The following FAM111B variants were observed in gnomAD, a reference collection of about 807,000 sequenced individuals.
FAM111B encodes the protein FAM111 trypsin like peptidase B.
A neutral mutation model predicts 2.8 loss-of-function variants in FAM111B; 1 was observed. That is an observed-to-expected ratio of 0.36 (90% confidence interval 0.13 to 1.70). The LOEUF (loss-of-function observed/expected upper bound fraction) is 1.70. Among genes scored for constraint, FAM111B ranks in the 40% most tolerant of loss-of-function variants. The pLI is 0.35. For synonymous variants in FAM111B, 297 were observed against 295.6 expected (o/e 1.00, Z -0.05); for missense variants, 882 against 878.9 (o/e 1.00, Z -0.04).
chr11:59,122,706 A>C (rs1264447418), intron 3 of FAM111B, among the ~76,000 whole-genome samples: 1 of 152,190 alleles, frequency 6.6e-6, no homozygotes, highest in Non-Finnish European at 1.5e-5. Context: ...GATGTCAAAG[A>C]GGCAACAAAA....
chr11:59,113,528 T>C (rs1371999100), intron 3 of FAM111B, among the ~76,000 whole-genome samples: 1 of 152,246 alleles, frequency 6.6e-6, no homozygotes, highest in African/African-American at 2.4e-5. Context: ...TCCAGAGAAC[T>C]GTGAGTGGCT....
intron 1 of FAM111B, 30 bp downstream of exon 1, chr11:59,107,326 C>T (rs2135392834): frequency 6.6e-6 from 1 of 152,522 alleles, no homozygotes; most frequent in East Asian, 1.9e-4. Flanking sequence ...CCGGGTCGGA[C>T]CTGGAGTTCT....
Position 59,126,219 on chromosome 11 carries a change from G to A in FAM111B, c.2122G>A (p.Glu708Lys). Residue 708 changes from glutamate to lysine, a missense_variant, in exon 4 of 4, where the codon GAG becomes AAG. Transcript: ENST00000343597. ...NESLYKSLND[E>K]KLETYDEEKG... ...GAGCTTGTATAAATCATTAAATGAT[G>A]AGAAACTTGAGACCTACGATGAAGA... The A allele has an allele frequency of 6.2e-7, 1 of 1,605,018 alleles. No individual in the cohort carries two copies. The highest frequency in any genetic ancestry group is 1.1e-5 in the South Asian group (1 of 88,336).
chr11:59,109,793 A>T, intron 3 of FAM111B, 87 bp downstream of exon 3: 2 of 815,380 alleles, frequency 2.5e-6, no homozygotes, highest in Non-Finnish European at 3.9e-6. Context: ...TTCTTAAACA[A>T]TGGTCGTTAT....
intron 3 of FAM111B, 133 bp downstream of exon 3, chr11:59,109,839 G>A: frequency 2.0e-6 from 1 of 500,184 alleles, no homozygotes; most frequent in Non-Finnish European, 3.4e-6. Flanking sequence ...ATATATTTGG[G>A]GAGCTCATAC....
chr11:59,112,577 A>G (rs1449879225), intron 3 of FAM111B, among the ~76,000 whole-genome samples: 4 of 152,226 alleles, frequency 2.6e-5, no homozygotes, highest in African/African-American at 9.6e-5. Flanking sequence ...TTTATAAGAA[A>G]TTATCAAAAT....
chr11:59,127,384 A>G lies in FAM111B; in HGVS notation c.*1082A>G, dbSNP rs184717240. On this transcript the variant is annotated 3_prime_UTR_variant, in exon 4 of 4. Coordinates refer to ENST00000343597, the MANE Select transcript of FAM111B (RefSeq NM_198947.4). Reference sequence around the variant, plus strand: ...ACTGCACATGGACTCTTAAACCTAAATAAAAGTTTAAAATATATATAATGC... The same window carrying G: ...ACTGCACATGGACTCTTAAACCTAAGTAAAAGTTTAAAATATATATAATGC... The G allele has an allele frequency of 1.3e-5, 2 of 152,244 alleles. No homozygotes were observed. Among genetic ancestry groups the G allele is most frequent in the East Asian group, 3.9e-4 (2 of 5,194 alleles). 9.4% of individuals were successfully genotyped at this position (152,244 alleles called of 1,614,324 possible). A position where few individuals can be genotyped will look rare whatever the true frequency, so the allele number is the denominator to read the frequency against.
rs1400555365 is a variant in FAM111B at position 59,126,481 on chromosome 11, A to G, written c.*179A>G. 2 of 486,052 alleles carry G rather than the reference A, an allele frequency of 4.1e-6. No individual in the cohort carries two copies. Among genetic ancestry groups the G allele is most frequent in the Non-Finnish European group, 7.0e-6 (2 of 286,044 alleles). 30.1% of individuals were successfully genotyped at this position (486,052 alleles called of 1,614,324 possible). ...CACACAACCTACGGAATGGGAGAAAATATTTGCAAACTATGCATACAGCAA... is the reference window on the plus strand; with the variant it reads ...CACACAACCTACGGAATGGGAGAAAGTATTTGCAAACTATGCATACAGCAA... On this transcript the variant is annotated 3_prime_UTR_variant, in exon 4 of 4. Coordinates refer to ENST00000343597, the MANE Select transcript of FAM111B (RefSeq NM_198947.4).
chr11:59,115,945 G>A (rs1395637305), intron 3 of FAM111B, among the ~76,000 whole-genome samples: 2 of 152,174 alleles, frequency 1.3e-5, no homozygotes, highest in Non-Finnish European at 2.9e-5. Flanking sequence ...GTGGAAAAAT[G>A]CATTATTAGT....
At chr11:59,121,466 G>A (rs1859920054) in intron 3 of FAM111B, among the ~76,000 whole-genome samples, 1 of 152,108 alleles carries the variant, frequency 6.6e-6, no homozygotes, top group African/African-American at 2.4e-5. Context: ...TAAAGACATA[G>A]AATAATGAGA....
chr11:59,125,137 A>C lies in FAM111B; in HGVS notation c.1040A>C (p.Asn347Thr). The change falls in exon 4 of 4, where the codon AAT becomes ACT. Residue 347 changes from asparagine (N) to threonine (T), a missense_variant. Physicochemically the swap from Asn to Thr is moderately conservative, Grantham distance 65. Coordinates refer to ENST00000343597, the MANE Select transcript of FAM111B (RefSeq NM_198947.4). Reference protein sequence around the residue: ...KTRQTIPRIRNYYFCSLPRKY... With the variant: ...KTRQTIPRIRTYYFCSLPRKY... The stretch of plus-strand genomic sequence containing the variant: ...CGCCAGACAATTCCCAGGATTAGAA[A>C]TTATTACTTTTGTAGTTTGCCCCGA... The C allele has an allele frequency of 6.2e-7, 1 of 1,613,924 alleles. No individual in the cohort carries two copies. The highest frequency in any genetic ancestry group is 8.5e-7 in the Non-Finnish European group (1 of 1,179,836).
chr11:59,126,254 A>C lies in FAM111B; in HGVS notation c.2157A>C (p.Lys719Asn), dbSNP rs1265777376. The change falls in exon 4 of 4, where the codon AAA becomes AAC. Residue 719 changes from lysine (K) to asparagine (N), a missense_variant. Transcript: ENST00000343597. ...KLETYDEEKG[K>N]QESSLQDHQI... is the part of the protein sequence containing the mutation. ...AGACCTACGATGAAGAGAAAGGTAA[A>C]CAAGAGTCATCACTTCAAGATCATC... is the stretch of plus-strand genomic sequence containing the variant. The C allele has an allele frequency of 6.3e-7, 1 of 1,584,956 alleles. No homozygotes were observed. Among genetic ancestry groups the C allele is most frequent in the African/African-American group, 1.4e-5 (1 of 73,142 alleles).
At chr11:59,114,052 T>C (rs1415814126) in intron 3 of FAM111B, among the ~76,000 whole-genome samples, 1 of 152,162 alleles carries the variant, frequency 6.6e-6, no homozygotes, top group Non-Finnish European at 1.5e-5. Context: ...ATCAAGAACA[T>C]ACAAAGGTAA....
chr11:59,108,262 G>T (rs1272194022), intron 1 of FAM111B, among the ~76,000 whole-genome samples: 3 of 152,212 alleles, frequency 2.0e-5, no homozygotes, highest in East Asian at 1.9e-4. Context: ...ACAGGGAGAG[G>T]GTTGGTGGAA....
Position 59,109,962 on chromosome 11 carries a change from C to G in FAM111B, c.81+256C>G, listed in dbSNP as rs77687257. 4,736 of 257,214 alleles carry G rather than the reference C, an allele frequency of 0.018. 318 individuals carry two copies. In the East Asian group the frequency reaches 0.19, roughly 10 times the overall value. The allele number at this position is 257,214 out of a possible 1,614,324, so 15.9% of individuals were successfully genotyped here. Reference sequence around the variant, plus strand: ...CACTTAAAGTCTTGGAAAGTGTAGACAGGCAAAAATAATTAGCTAATGTTT... The same window carrying G: ...CACTTAAAGTCTTGGAAAGTGTAGAGAGGCAAAAATAATTAGCTAATGTTT... On this transcript the variant is annotated intron_variant, in intron 3 of 3. Transcript: ENST00000343597.
intron 3 of FAM111B, among the ~76,000 whole-genome samples, chr11:59,113,470 A>T (rs1859791256): frequency 6.6e-6 from 1 of 152,206 alleles, no homozygotes; most frequent in African/African-American, 2.4e-5. Flanking sequence ...AGTACAAGGC[A>T]CAAGTGACAG....
chr11:59,113,043 T>C (rs1859783227), intron 3 of FAM111B, among the ~76,000 whole-genome samples: 1 of 152,220 alleles, frequency 6.6e-6, no homozygotes, highest in Admixed American at 6.5e-5. Context: ...GGATCATGCT[T>C]TTGCTTTTAC....
intron 3 of FAM111B, among the ~76,000 whole-genome samples, chr11:59,119,924 T>G (rs888279888): frequency 1.3e-5 from 2 of 152,178 alleles, no homozygotes; most frequent in African/African-American, 4.8e-5. Flanking sequence ...TCATATCTAT[T>G]TTTGAAACAA....
At position 59,126,451 on chromosome 11, in the gene FAM111B, G is replaced by A. The variant is rs1273517981; in HGVS notation, c.*149G>A. The A allele has an allele frequency of 1.7e-6, 1 of 572,376 alleles. No homozygotes were observed. The highest frequency in any genetic ancestry group is 3.6e-5 in the Admixed American group (1 of 27,484). 35.5% of individuals were successfully genotyped at this position (572,376 alleles called of 1,614,324 possible). A position where few individuals can be genotyped will look rare whatever the true frequency, so the allele number is the denominator to read the frequency against. ...CACAGCAAAAGAAACTATCAACAGG[G>A]TAAACACACAACCTACGGAATGGGA... On this transcript the variant is annotated 3_prime_UTR_variant, in exon 4 of 4. Coordinates refer to ENST00000343597, the MANE Select transcript of FAM111B (RefSeq NM_198947.4).
Sources: allele counts gnomAD v4.1 joint callset (sites outside exome capture counted in the v4.1 genomes callset), GRCh38; gene constraint gnomAD v4.1.1; transcripts MANE v1.5; gene names NCBI Gene and HGNC (gene_info 2026-07-23, HGNC 2026-07-21).